The following STOX2 variants were observed in gnomAD, a reference collection of about 807,000 sequenced individuals.
STOX2 encodes storkhead box 2.
In STOX2, 28 loss-of-function variants were observed where a neutral mutation model predicts 60.9. That is an observed-to-expected ratio of 0.46 (90% confidence interval 0.34 to 0.63). STOX2 has a LOEUF of 0.63. Among genes scored for constraint, STOX2 ranks in the 30% least tolerant of loss-of-function variants. STOX2 has a pLI of 0.01. For synonymous variants in STOX2, 472 were observed against 463.9 expected, an observed-to-expected ratio of 1.02 and a Z score of -0.22; for missense variants, 1,024 against 1,187.7, an observed-to-expected ratio of 0.86 and a Z score of 2.03.
At chr4:183,962,957 A>C (rs1354421681) in intron 1 of STOX2, among the ~76,000 whole-genome samples, 4 of 152,258 alleles carry the variant, frequency 2.6e-5, no homozygotes. Context: ...TCTTTTGAAG[A>C]TAGGCAAACT....
intron 1 of STOX2, among the ~76,000 whole-genome samples, chr4:183,885,780 T>C (rs112643995): frequency 3.3e-5 from 5 of 152,230 alleles, no homozygotes; most frequent in African/African-American, 1.2e-4. Flanking sequence ...AGTTCATTGA[T>C]GATAATTGAC....
At chr4:183,885,823 C>G (rs1489530037) in intron 1 of STOX2, among the ~76,000 whole-genome samples, 3 of 152,220 alleles carry the variant, frequency 2.0e-5, no homozygotes, top group Admixed American at 6.5e-5. Flanking sequence ...CGTGAAGGAC[C>G]TTAGTCCCCT....
At chr4:183,858,460 G>A (rs1030779435) in intron 1 of STOX2, among the ~76,000 whole-genome samples, 2 of 152,196 alleles carry the variant, frequency 1.3e-5, no homozygotes, top group African/African-American at 4.8e-5. Flanking sequence ...TCTGCCCACG[G>A]CCGGAGCCTC....
rs1301943430 is a variant in STOX2, at chr4:183,836,099, C to T, written c.364+38044C>T. ...TGGTATCCACTGCAGTTTTGATTTGCGATCTCCTGGTGACTAATGATGTTG... is the reference window on the plus strand; with the variant it reads ...TGGTATCCACTGCAGTTTTGATTTGTGATCTCCTGGTGACTAATGATGTTG... On this transcript the variant is annotated intron_variant, in intron 1 of 2. Transcript: ENST00000513034. The surrounding 1 kb of genome is among the most constrained non-coding windows in gnomAD (Gnocchi z 4.1). Among the ~76,000 whole-genome samples the T allele has an allele frequency of 2.0e-5, 3 of 152,202 alleles. No individual in the cohort carries two copies. The highest frequency in any genetic ancestry group is 2.1e-4 in the South Asian group (1 of 4,822).
chr4:183,912,421 G>A (rs987353780), intron 1 of STOX2, among the ~76,000 whole-genome samples: 2 of 152,004 alleles, frequency 1.3e-5, no homozygotes, highest in African/African-American at 4.8e-5. Flanking sequence ...TGTGCTCTGG[G>A]CTCTGGGAGC....
intron 1 of STOX2, among the ~76,000 whole-genome samples, chr4:183,852,978 C>G (rs1212699967): frequency 6.6e-6 from 1 of 152,188 alleles, no homozygotes; most frequent in Non-Finnish European, 1.5e-5. Flanking sequence ...AAGTCATTTA[C>G]TGATGAACCC....
intron 1 of STOX2, among the ~76,000 whole-genome samples, chr4:183,828,668 T>C (rs1363580976): frequency 1.3e-5 from 2 of 152,240 alleles, no homozygotes; most frequent in African/African-American, 4.8e-5. Context: ...TTATTCAGGC[T>C]GGCTCTTGGT....
chr4:183,845,105 G>A (rs931074553), intron 1 of STOX2, among the ~76,000 whole-genome samples: 9 of 152,174 alleles, frequency 5.9e-5, no homozygotes, highest in African/African-American at 1.9e-4. Flanking sequence ...GTTTAAAAAG[G>A]AGAGATAAGA....
intron 1 of STOX2, among the ~76,000 whole-genome samples, chr4:183,918,601 C>T (rs1741999385): frequency 6.6e-6 from 1 of 152,194 alleles, no homozygotes; most frequent in Non-Finnish European, 1.5e-5. Flanking sequence ...CTTTCAAGGC[C>T]AGTTTTGAAA....
intron 1 of STOX2, among the ~76,000 whole-genome samples, chr4:183,917,701 A>T (rs1741970287): frequency 6.6e-6 from 1 of 152,266 alleles, no homozygotes; most frequent in Non-Finnish European, 1.5e-5. Context: ...AGAGCAGAAC[A>T]GTGAAGATGG....
intron 1 of STOX2, among the ~76,000 whole-genome samples, chr4:183,828,956 T>C (rs1739498232): frequency 6.6e-6 from 1 of 152,178 alleles, no homozygotes; most frequent in African/African-American, 2.4e-5. Context: ...TTTTGTCAGG[T>C]AGATTTAAGT....
At chr4:183,958,568 C>A (rs1033237232) in intron 1 of STOX2, among the ~76,000 whole-genome samples, 2 of 152,162 alleles carry the variant, frequency 1.3e-5, no homozygotes, top group African/African-American at 4.8e-5. Context: ...TCTTCCCTCT[C>A]ATTCTCTTCT....
intron 1 of STOX2, among the ~76,000 whole-genome samples, chr4:183,908,887 T>C (rs769142407): frequency 7.2e-5 from 11 of 152,230 alleles, no homozygotes; most frequent in Non-Finnish European, 1.6e-4. Flanking sequence ...AAAAGTGCTG[T>C]CATTCATTCA....
chr4:183,948,395 A>G (rs6851966), intron 1 of STOX2, among the ~76,000 whole-genome samples: 133,487 of 151,496 alleles, frequency 0.88, 60,864 homozygotes, highest in East Asian at 0.99. Context: ...GGCAGGTGGA[A>G]TGTTTTCCAG....
chr4:183,980,554 G>T (rs1473183614), intron 1 of STOX2, among the ~76,000 whole-genome samples: 1 of 152,086 alleles, frequency 6.6e-6, no homozygotes, highest in Non-Finnish European at 1.5e-5. Flanking sequence ...CTTCCAACTG[G>T]TTCAACTGGG....
intron 1 of STOX2, among the ~76,000 whole-genome samples, chr4:183,830,222 C>G (rs1442460819): frequency 6.6e-6 from 1 of 152,186 alleles, no homozygotes; most frequent in Non-Finnish European, 1.5e-5. Context: ...TTCTGCTAAC[C>G]TGCTTTCCTT....
chr4:183,801,084 G>A (rs766332685), intron 1 of STOX2, among the ~76,000 whole-genome samples: 2 of 152,176 alleles, frequency 1.3e-5, no homozygotes, highest in Admixed American at 6.5e-5. Context: ...AAAGTATATG[G>A]TTCTAACCAA....
chr4:183,806,524 G>A lies in STOX2; in HGVS notation c.364+8469G>A, dbSNP rs1008156977. Among the ~76,000 whole-genome samples, 1 of 152,058 alleles carries A rather than the reference G, an allele frequency of 6.6e-6. No homozygotes were observed. The highest frequency in any genetic ancestry group is 2.4e-5 in the African/African-American group (1 of 41,412). On this transcript the variant is annotated intron_variant, in intron 1 of 2. Coordinates refer to the STOX2 transcript ENST00000513034. This position sits in a 1 kb window ranked among gnomAD's most constrained non-coding sequence, Gnocchi z 4.1. Reference sequence around the variant, plus strand: ...GCCTTCTGTCTTCACTGTGAACCCCGGGATACTGCGGCGGTGCTGGCTGGA... The same window carrying A: ...GCCTTCTGTCTTCACTGTGAACCCCAGGATACTGCGGCGGTGCTGGCTGGA...
intron 1 of STOX2, among the ~76,000 whole-genome samples, chr4:183,826,625 C>T (rs892835622): frequency 5.3e-5 from 8 of 152,238 alleles, no homozygotes; most frequent in African/African-American, 1.7e-4. Flanking sequence ...TGCCTGCTAG[C>T]AATGTGGCCC....
Sources: gnomAD v4.1 joint callset for allele counts (sites outside exome capture counted in the v4.1 genomes callset) on GRCh38, gnomAD v4.1.1 for gene constraint, Gnocchi (gnomAD v3.1) non-coding constraint, MANE v1.5 for transcripts, NCBI Gene and HGNC (gene_info 2026-07-23, HGNC 2026-07-21) for gene names.